Variants in LUC7L observed in about 807,000 individuals in gnomAD.
LUC7L encodes putative RNA-binding protein Luc7-like 1.
In LUC7L, 29 loss-of-function variants were observed where a neutral mutation model predicts 51.1. The observed-to-expected ratio is 0.57, with a 90% CI of 0.42 to 0.77. The LOEUF is 0.77. Among genes scored for constraint, LUC7L ranks in the 30% least tolerant of loss-of-function variants. LUC7L has a pLI of 0.00. For synonymous variants in LUC7L, 181 were observed against 180.7 expected, an observed-to-expected ratio of 1.00 and a Z score of -0.01; for missense variants, 403 against 511.9, an observed-to-expected ratio of 0.79 and a Z score of 2.05.
chr16:207,519 G>A (rs752007372), intron 4 of LUC7L, among the ~76,000 whole-genome samples: 14 of 152,098 alleles, frequency 9.2e-5, no homozygotes, highest in Non-Finnish European at 1.5e-4. Context: ...CAAACTCAGC[G>A]AAGAATATAT....
chr16:214,559 T>C (rs1232433826), intron 3 of LUC7L, among the ~76,000 whole-genome samples: 1 of 152,176 alleles, frequency 6.6e-6, no homozygotes, highest in Non-Finnish European at 1.5e-5. Flanking sequence ...CAGACTCTTG[T>C]TCTGTTCTCC....
chr16:201,242 T>TG (rs1491231094), intron 5 of LUC7L, among the ~76,000 whole-genome samples: 1 of 78,510 alleles, frequency 1.3e-5, no homozygotes, highest in African/African-American at 5.0e-5. Flanking sequence ...GCTACATAAC[T>TG]AAAAAAAAAA....
chr16:189,549 G>T (rs1278679255), intron 9 of LUC7L: 5 of 1,388,354 alleles, frequency 3.6e-6, no homozygotes, highest in Non-Finnish European at 4.7e-6. Context: ...TTTTAATAAG[G>T]AGAGCCTTCA....
At chr16:190,622 G>A (rs749893792) in intron 7 of LUC7L, 52 bp from the exon 8 acceptor site, 1 of 1,563,834 alleles carries the variant, frequency 6.4e-7, no homozygotes, top group Non-Finnish European at 8.8e-7. Context: ...GCTCACACCT[G>A]TAATCCCAGC....
chr16:204,127 G>A lies in LUC7L; in HGVS notation c.510+1877C>T, dbSNP rs113076244. Among the ~76,000 whole-genome samples the A allele has an allele frequency of 1.7e-3, 256 of 152,118 alleles. 2 individuals are homozygous for A. Among genetic ancestry groups the A allele is most frequent in the African/African-American group, 5.7e-3 (238 of 41,502 alleles). On this transcript the variant is annotated intron_variant, in intron 5 of 9. Transcript: ENST00000293872. ...AAAACATGCATGAGATCTTCACTAT[G>A]AGAAAAATTACAAGACTCATAAAAG... is the stretch of plus-strand genomic sequence containing the variant.
rs1422472900 is a variant in LUC7L, at chr16:208,138, C to A, written c.306G>T (p.Glu102Asp). 1.2e-6 allele frequency: 2 copies of A among 1,613,584 alleles called. No homozygotes were observed. The highest frequency in any genetic ancestry group is 2.7e-5 in the African/African-American group (2 of 74,904). ...TTTCTGCCAGCCGCTTCTTGGCGAG[C>A]TCAGTTCTCCGATCACATTCAGCAA... ...SFIAECDRRT[E>D]LAKKRLAETQ... The change falls in exon 4 of 10, where the codon GAG (glutamate) becomes GAT (aspartate). Residue 102 changes from glutamate (E) to aspartate (D), a missense_variant. Physicochemically the swap from Glu to Asp is conservative, Grantham distance 45. Around this residue, in one of 3 missense-constraint regions of LUC7L, gnomAD observed 182 missense variants for 248.4 expected, o/e 0.73. Transcript: ENST00000293872.
chr16:199,296 C>A (rs1596613226), intron 5 of LUC7L, 58 bp from the exon 6 acceptor site: 1 of 1,092,028 alleles, frequency 9.2e-7, no homozygotes, highest in Non-Finnish European at 1.3e-6. Flanking sequence ...ACCACAAATT[C>A]AATCTCCAAA....
chr16:206,271 A>C, intron 4 of LUC7L, 124 bp from the exon 5 acceptor site: 1 of 932,042 alleles, frequency 1.1e-6, no homozygotes, highest in East Asian at 2.5e-5. Context: ...ATCCACACTT[A>C]ACAATGAAGG....
At chr16:227,171 T>C (rs1052454143) in intron 2 of LUC7L, 71 bp downstream of exon 2, 19 of 1,275,722 alleles carry the variant, frequency 1.5e-5, no homozygotes, top group Middle Eastern at 1.9e-4. Flanking sequence ...AAATTCAACA[T>C]AGAAAAACCG....
intron 5 of LUC7L, among the ~76,000 whole-genome samples, chr16:205,660 G>C (rs2049462787): frequency 6.6e-6 from 1 of 152,198 alleles, no homozygotes; most frequent in South Asian, 2.1e-4. Flanking sequence ...CGCAATCTCA[G>C]CTCACTGCAA....
intron 5 of LUC7L, among the ~76,000 whole-genome samples, chr16:203,440 C>T (rs1596626343): frequency 6.6e-6 from 1 of 152,094 alleles, no homozygotes; most frequent in East Asian, 1.9e-4. Context: ...ATCATGGTGA[C>T]TCATGACTCT....
In LUC7L at chr16:199,546, C is replaced by T. The variant is rs551044893; in HGVS notation, c.511-308G>A. ...CAGCACTTTGGGAGGCTGAGGCTGG[C>T]GGATCACCTGAGGTCCGGAGTTCAA... is the stretch of plus-strand genomic sequence containing the variant. On this transcript the variant is annotated intron_variant, in intron 5 of 9. Coordinates refer to ENST00000293872, the MANE Select transcript of LUC7L (RefSeq NM_201412.3). 4.0e-5 allele frequency among the ~76,000 whole-genome samples: 6 copies of T among 151,314 alleles called. No individual in the cohort carries two copies. In the East Asian group the frequency reaches 7.9e-4, roughly 20 times the overall value.
At chr16:205,829 T>A (rs1596634068) in intron 5 of LUC7L, among the ~76,000 whole-genome samples, 175 bp downstream of exon 5, 1 of 152,180 alleles carries the variant, frequency 6.6e-6, no homozygotes, top group South Asian at 2.1e-4. Context: ...GACCTCGTGA[T>A]CCGCCCGCCT....
chr16:204,015 CA>C (rs1332739808), intron 5 of LUC7L, among the ~76,000 whole-genome samples: 2 of 151,884 alleles, frequency 1.3e-5, no homozygotes, highest in African/African-American at 2.4e-5. Context: ...GACTCCATCT[CA>C]AAAAAACACA....
At chr16:190,736 C>T (rs748417171) in intron 7 of LUC7L, 166 bp from the exon 8 acceptor site, 24 of 632,114 alleles carry the variant, frequency 3.8e-5, no homozygotes, top group Non-Finnish European at 6.5e-5. Flanking sequence ...AAAACCTGGC[C>T]AGGCGTGGTG....
intron 7 of LUC7L, among the ~76,000 whole-genome samples, chr16:192,608 AT>A (rs2049039501): frequency 6.8e-6 from 1 of 146,114 alleles, no homozygotes; most frequent in Admixed American, 7.1e-5. Flanking sequence ...GGCTCAAGTG[AT>A]TCTCCCACCT....
intron 6 of LUC7L, among the ~76,000 whole-genome samples, chr16:193,957 CTGCGCCCGGCTA>C (rs1361249476): frequency 6.6e-6 from 1 of 151,950 alleles, no homozygotes; most frequent in African/African-American, 2.4e-5. Flanking sequence ...GCGCCCGGCA[CTGCGCCCGGCTA>C]ATTTTTTGTA....
At chr16:220,028 C>G (rs1215458880) in intron 3 of LUC7L, 1 of 151,738 alleles carries the variant, frequency 6.6e-6, no homozygotes, top group Non-Finnish European at 1.5e-5. Flanking sequence ...CGTGCAGACA[C>G]TGCTATGGGA....
At chr16:226,138 G>A (rs1732792605) in intron 2 of LUC7L, among the ~76,000 whole-genome samples, 1 of 152,150 alleles carries the variant, frequency 6.6e-6, no homozygotes, top group Admixed American at 6.6e-5. Context: ...AAGGAACAGA[G>A]GCACAAGGTT....
Sources: allele counts gnomAD v4.1 joint callset (sites outside exome capture counted in the v4.1 genomes callset), GRCh38; gene constraint gnomAD v4.1.1; regional missense constraint gnomAD v4.1.1; transcripts MANE v1.5; gene names NCBI Gene and HGNC (gene_info 2026-07-23, HGNC 2026-07-21).